RHAG: variants seen among roughly 807,000 people sequenced by gnomAD.
RHAG encodes the protein ammonium transporter Rh type A.
RHAG carries 25 observed loss-of-function variants against 42.4 expected under a neutral mutation model. The observed-to-expected ratio is 0.59, with a 90% CI of 0.43 to 0.82. The LOEUF is 0.82. Ranked by LOEUF, RHAG falls within the 40% of genes least tolerant of loss-of-function variation. The pLI, the probability that RHAG is intolerant of heterozygous loss-of-function variation, is 0.00. For synonymous variants in RHAG, 182 were observed against 177.7 expected (o/e 1.02, Z -0.19); for missense variants, 483 against 504.6 (o/e 0.96, Z 0.41).
At chr6:49,615,104 T>G (rs1200223578) in intron 4 of RHAG, 6 of 437,314 alleles carry the variant, frequency 1.4e-5, no homozygotes, top group South Asian at 2.6e-5. Flanking sequence ...CGGGCTACCA[T>G]GTCCACCTAA....
At position 49,625,612 on chromosome 6, in the gene RHAG, A is replaced by G. The variant is rs111684177; in HGVS notation, c.158-6250T>C. 5.5e-3 allele frequency among the ~76,000 whole-genome samples: 835 copies of G among 152,306 alleles called. 10 individuals are homozygous for G. Among genetic ancestry groups the G allele is most frequent in the African/African-American group, 0.017 (726 of 41,576 alleles). ...CAATTTCACCATCATCATCACCATCACCACCACCATCAGCAGCAGCAGCAT... is the reference window on the plus strand; with the variant it reads ...CAATTTCACCATCATCATCACCATCGCCACCACCATCAGCAGCAGCAGCAT... On this transcript the variant is annotated intron_variant, in intron 1 of 9. Transcript: ENST00000371175.
chr6:49,628,062 A>G (rs955451670), intron 1 of RHAG, among the ~76,000 whole-genome samples: 1 of 151,998 alleles, frequency 6.6e-6, no homozygotes, highest in African/African-American at 2.4e-5. Context: ...TATTTCCTAT[A>G]TAGATATGTA....
intron 1 of RHAG, among the ~76,000 whole-genome samples, chr6:49,628,546 G>A (rs1762878755): frequency 6.6e-6 from 1 of 151,874 alleles, no homozygotes; most frequent in Non-Finnish European, 1.5e-5. Context: ...GTTCCGATGC[G>A]TTCGGAGTTT....
intron 1 of RHAG, among the ~76,000 whole-genome samples, chr6:49,629,923 G>T (rs928588518): frequency 6.6e-6 from 1 of 152,160 alleles, no homozygotes; most frequent in African/African-American, 2.4e-5. Context: ...TCCCGCTCGC[G>T]CCTCTCCCTC....
intron 5 of RHAG, 56 bp downstream of exon 5, chr6:49,614,631 G>A (rs188609195): frequency 1.4e-6 from 2 of 1,478,726 alleles, no homozygotes; most frequent in African/African-American, 2.8e-5. Flanking sequence ...CTACTTATCT[G>A]AGCAACTGTC....
chr6:49,609,378 C>T (rs953425915), intron 7 of RHAG, among the ~76,000 whole-genome samples: 8 of 152,268 alleles, frequency 5.3e-5, no homozygotes, highest in Admixed American at 2.6e-4. Context: ...GCCAGATAGA[C>T]GTGTTTTATT....
At chr6:49,613,924 C>T (rs1019848399) in intron 5 of RHAG, among the ~76,000 whole-genome samples, 1 of 152,122 alleles carries the variant, frequency 6.6e-6, no homozygotes, top group Admixed American at 6.5e-5. Context: ...TATTGAAGAT[C>T]CCACATTGCA....
intron 1 of RHAG, among the ~76,000 whole-genome samples, chr6:49,634,966 GTGTGTGTGTGTGTT>G (rs56829747): frequency 0.21 from 30,844 of 144,512 alleles, 3,515 homozygotes; most frequent in African/African-American, 0.29. Flanking sequence ...CTGTGTGTGT[GTGTGTGTGTGTGTT>G]TGTGTATACC....
At chr6:49,610,294 C>G (rs1762552741) in intron 7 of RHAG, among the ~76,000 whole-genome samples, 1 of 152,164 alleles carries the variant, frequency 6.6e-6, no homozygotes. Context: ...GATCTGGACT[C>G]TATGATCTTC....
chr6:49,633,196 C>G (rs1762958774), intron 1 of RHAG, among the ~76,000 whole-genome samples: 1 of 152,106 alleles, frequency 6.6e-6, no homozygotes, highest in Non-Finnish European at 1.5e-5. Context: ...TTGAAATACT[C>G]AAATCTTTTA....
chr6:49,630,880 A>T (rs1009900570), intron 1 of RHAG, among the ~76,000 whole-genome samples: 1 of 152,172 alleles, frequency 6.6e-6, no homozygotes, highest in African/African-American at 2.4e-5. Flanking sequence ...TTTCTGGATT[A>T]ATTATTCACT....
At position 49,613,793 on chromosome 6, in the gene RHAG, C is replaced by A. The variant is rs532331788; in HGVS notation, c.807+894G>T. 5.9e-5 allele frequency among the ~76,000 whole-genome samples: 9 copies of A among 152,304 alleles called. No individual in the cohort carries two copies. The East Asian group carries it at 1.5e-3, about 26-fold the overall frequency. On this transcript the variant is annotated intron_variant, in intron 5 of 9. Transcript: ENST00000371175. Reference sequence around the variant, plus strand: ...CAGAATGTTTCCATATGTCCCTCATCCAGTTTCTCAAATAAGATGTTAATC... The same window carrying A: ...CAGAATGTTTCCATATGTCCCTCATACAGTTTCTCAAATAAGATGTTAATC...
At chr6:49,635,615 C>G (rs972373674) in intron 1 of RHAG, among the ~76,000 whole-genome samples, 1 of 152,018 alleles carries the variant, frequency 6.6e-6, no homozygotes, top group Non-Finnish European at 1.5e-5. Context: ...GACAGCTAGA[C>G]TTGGAGTCTA....
intron 9 of RHAG, chr6:49,606,623 T>C (rs1774167877): frequency 2.3e-6 from 1 of 427,364 alleles, no homozygotes; most frequent in South Asian, 8.2e-5. Context: ...TTATTATTTA[T>C]AATTTTTGTA....
intron 1 of RHAG, among the ~76,000 whole-genome samples, chr6:49,622,532 G>T (rs1762778144): frequency 6.6e-6 from 1 of 151,918 alleles, no homozygotes; most frequent in Admixed American, 6.6e-5. Flanking sequence ...AAAAACAGGA[G>T]TTTCTCTGCA....
chr6:49,622,468 C>T (rs1217444175), intron 1 of RHAG, among the ~76,000 whole-genome samples: 1 of 151,788 alleles, frequency 6.6e-6, no homozygotes, highest in East Asian at 1.9e-4. Context: ...CCTTGGCTTC[C>T]TAAAGTGCTG....
At chr6:49,631,134 A>G (rs1194966899) in intron 1 of RHAG, among the ~76,000 whole-genome samples, 2 of 152,134 alleles carry the variant, frequency 1.3e-5, no homozygotes, top group Non-Finnish European at 2.9e-5. Context: ...TGTTTTTCCT[A>G]TTACTGATAA....
chr6:49,630,002 C>CAG (rs1762910504), intron 1 of RHAG, among the ~76,000 whole-genome samples: 2 of 152,184 alleles, frequency 1.3e-5, no homozygotes, highest in Non-Finnish European at 2.9e-5. Flanking sequence ...TCCCACAGTG[C>CAG]CCTGGTGGGC....
chr6:49,633,145 G>A (rs193180754), intron 1 of RHAG, among the ~76,000 whole-genome samples: 69 of 152,278 alleles, frequency 4.5e-4, no homozygotes, highest in African/African-American at 1.5e-3. Flanking sequence ...ATTTTCTGTA[G>A]TTTACTTAAA....
Sources: gnomAD v4.1 joint callset for allele counts (sites outside exome capture counted in the v4.1 genomes callset) on GRCh38, gnomAD v4.1.1 for gene constraint, MANE v1.5 for transcripts, NCBI Gene and HGNC (gene_info 2026-07-23, HGNC 2026-07-21) for gene names.